TYR: variants seen among roughly 807,000 people sequenced by gnomAD.
The protein encoded by TYR is LB24-AB.
TYR carries 58 observed loss-of-function variants against 51.5 expected under a neutral mutation model. That is an observed-to-expected ratio of 1.13 (90% CI 0.91 to 1.40). TYR has a LOEUF of 1.40. TYR is among the 40% of genes most tolerant of loss of function. The pLI, the probability that TYR is intolerant of heterozygous loss-of-function variation, is 0.00. For missense variants in TYR, 732 were observed against 647.4 expected (o/e 1.13, Z -1.42); for synonymous variants, 263 against 235.2 (o/e 1.12, Z -1.08).
intron 3 of TYR, among the ~76,000 whole-genome samples, chr11:89,249,364 A>G (rs542847204): frequency 2.6e-4 from 40 of 151,962 alleles, no homozygotes; most frequent in African/African-American, 9.4e-4. Flanking sequence ...CCATCATTAA[A>G]AGGATGAGCC....
At chr11:89,211,090 A>G (rs1943748362) in intron 2 of TYR, among the ~76,000 whole-genome samples, 1 of 152,198 alleles carries the variant, frequency 6.6e-6, no homozygotes, top group Admixed American at 6.5e-5. Context: ...TCATAATGGC[A>G]GGATCAAATT....
intron 1 of TYR, among the ~76,000 whole-genome samples, chr11:89,181,410 T>C (rs1943297462): frequency 6.6e-6 from 1 of 152,190 alleles, no homozygotes; most frequent in Non-Finnish European, 1.5e-5. Flanking sequence ...TTTGGTATCT[T>C]TTTACTTTCA....
chr11:89,185,832 A>G (rs140072652), intron 1 of TYR, among the ~76,000 whole-genome samples: 1,540 of 152,246 alleles, frequency 0.01, 9 homozygotes, highest in Non-Finnish European at 0.017. Context: ...AAAAAAATAT[A>G]TTTATCTTAA....
chr11:89,270,510 C>T (rs184353351), intron 3 of TYR, among the ~76,000 whole-genome samples: 7 of 151,918 alleles, frequency 4.6e-5, no homozygotes, highest in Admixed American at 2.0e-4. Context: ...TTCCAGCACT[C>T]GGTGCAATGC....
intron 3 of TYR, among the ~76,000 whole-genome samples, chr11:89,258,338 G>A (rs555176011): frequency 8.6e-5 from 13 of 151,132 alleles, no homozygotes; most frequent in African/African-American, 2.2e-4. Context: ...AAAGAAAATT[G>A]ATTTTTTTTT....
rs900189639 is a variant in TYR at position 89,231,249 on chromosome 11, C to T, written c.1184+3279C>T. Among the ~76,000 whole-genome samples, 56 of 144,828 alleles carry T rather than the reference C, an allele frequency of 3.9e-4. 1 individual carries two copies. Among genetic ancestry groups the T allele is most frequent in the African/African-American group, 1.4e-3 (55 of 39,254 alleles). On this transcript the variant is annotated intron_variant, in intron 3 of 4. Coordinates refer to ENST00000263321, the MANE Select transcript of TYR (RefSeq NM_000372.5). ...AAATTAATATAGTCATTTGGGAAAA[C>T]ATAGCAGTTTCTTAAAAAATTAAAA...
At chr11:89,245,925 A>G (rs1245335924) in intron 3 of TYR, among the ~76,000 whole-genome samples, 1 of 143,036 alleles carries the variant, frequency 7.0e-6, no homozygotes, top group East Asian at 2.0e-4. Context: ...CATCTCAAAA[A>G]AAAAAAACAA....
chr11:89,269,867 G>C (rs1205135125), intron 3 of TYR, among the ~76,000 whole-genome samples: 2 of 151,868 alleles, frequency 1.3e-5, no homozygotes, highest in African/African-American at 2.4e-5. Context: ...GGAGGAAATA[G>C]AGCTCCTGGG....
intron 2 of TYR, among the ~76,000 whole-genome samples, chr11:89,195,867 T>C (rs1056864528): frequency 1.3e-5 from 2 of 152,052 alleles, no homozygotes; most frequent in Non-Finnish European, 2.9e-5. Context: ...TTTCAGAGTT[T>C]ACAAGAGATT....
At chr11:89,261,954 T>C (rs1205331012) in intron 3 of TYR, among the ~76,000 whole-genome samples, 1 of 152,086 alleles carries the variant, frequency 6.6e-6, no homozygotes, top group African/African-American at 2.4e-5. Flanking sequence ...TAAATAATAG[T>C]TGAATTAAAG....
At chr11:89,209,502 C>T (rs1943721838) in intron 2 of TYR, among the ~76,000 whole-genome samples, 1 of 152,192 alleles carries the variant, frequency 6.6e-6, no homozygotes, top group African/African-American at 2.4e-5. Context: ...AGGCCTACTG[C>T]CTCTTTAGAT....
intron 2 of TYR, among the ~76,000 whole-genome samples, chr11:89,211,304 A>G (rs945403201): frequency 2.0e-5 from 3 of 152,170 alleles, no homozygotes; most frequent in African/African-American, 7.2e-5. Flanking sequence ...AGAAAAAAGC[A>G]GGGGTTGCAA....
chr11:89,226,446 T>C (rs1943978090), intron 2 of TYR, among the ~76,000 whole-genome samples: 3 of 152,088 alleles, frequency 2.0e-5, no homozygotes, highest in Admixed American at 2.0e-4. Flanking sequence ...GAAGTTGTCA[T>C]AGACAAAACT....
At chr11:89,267,745 T>C (rs1449394615) in intron 3 of TYR, among the ~76,000 whole-genome samples, 1 of 151,936 alleles carries the variant, frequency 6.6e-6, no homozygotes, top group Non-Finnish European at 1.5e-5. Context: ...TCAAAGATCT[T>C]TTTCAATGTT....
chr11:89,208,739 T>G (rs560287108), intron 2 of TYR, among the ~76,000 whole-genome samples: 2 of 152,350 alleles, frequency 1.3e-5, no homozygotes, highest in Admixed American at 6.5e-5. Flanking sequence ...TGTAAGTACT[T>G]CTAAAACATA....
chr11:89,186,943 T>C lies in TYR; in HGVS notation c.820-4259T>C, dbSNP rs556766074. On this transcript the variant is annotated intron_variant, in intron 1 of 4. Transcript: ENST00000263321. Reference sequence around the variant, plus strand: ...GTGAAGACAGAGAAAAGGTTTCCTCTGCAAGACATAAGAGAGGCCTCAGCA... The same window carrying C: ...GTGAAGACAGAGAAAAGGTTTCCTCCGCAAGACATAAGAGAGGCCTCAGCA... Among the ~76,000 whole-genome samples the C allele has an allele frequency of 7.9e-5, 12 of 152,296 alleles. No individual in the cohort carries two copies. The East Asian group carries it at 2.3e-3, about 29-fold the overall frequency.
At chr11:89,195,039 G>T (rs1338775274) in intron 2 of TYR, among the ~76,000 whole-genome samples, 1 of 152,140 alleles carries the variant, frequency 6.6e-6, no homozygotes, top group Non-Finnish European at 1.5e-5. Context: ...ATAGGACAGG[G>T]ATGTGGGGTG....
In TYR at chr11:89,269,591, T is replaced by C. The variant is rs11018558; in HGVS notation, c.1185-15182T>C. On this transcript the variant is annotated intron_variant, in intron 3 of 4. Coordinates refer to ENST00000263321, the MANE Select transcript of TYR (RefSeq NM_000372.5). ...CATCATTAGTTTAAGTATTTTAATCTGATTTTAACTGCCTTACTGATTCCC... is the reference window on the plus strand; with the variant it reads ...CATCATTAGTTTAAGTATTTTAATCCGATTTTAACTGCCTTACTGATTCCC... Among the ~76,000 whole-genome samples the C allele has an allele frequency of 3.5e-3, 534 of 152,108 alleles. 33 individuals carry two copies. In the East Asian group the frequency reaches 0.098, roughly 28 times the overall value.
chr11:89,191,386 C>T lies in TYR; in HGVS notation c.1004C>T (p.Ala335Val), dbSNP rs1943443914. 6.2e-7 allele frequency: 1 copy of T among 1,613,652 alleles called. No individual in the cohort carries two copies. Among genetic ancestry groups the T allele is most frequent in the Middle Eastern group, 1.7e-4 (1 of 6,054 alleles). ...TQYESGSMDK[A>V]ANFSFRNTLE... ...TATGAATCTGGTTCCATGGATAAAG[C>T]TGCCAATTTCAGCTTTAGAAATACA... Residue 335 changes from alanine (A) to valine (V), a missense_variant, in exon 2 of 5, where the codon GCT (alanine) becomes GTT (valine). Physicochemically the swap from Ala to Val is moderately conservative, Grantham distance 64. Transcript: ENST00000263321.
Sources: gnomAD v4.1 joint callset for allele counts (sites outside exome capture counted in the v4.1 genomes callset) on GRCh38, gnomAD v4.1.1 for gene constraint, MANE v1.5 for transcripts, NCBI Gene and HGNC (gene_info 2026-07-23, HGNC 2026-07-21) for gene names.